The following SIAE variants were observed in gnomAD, a reference collection of about 807,000 sequenced individuals.
SIAE encodes sialate O-acetylesterase.
A neutral mutation model predicts 52.6 loss-of-function variants in SIAE; 39 were observed. The ratio of observed to expected loss-of-function variants is 0.74; its 90% CI spans 0.57 to 0.97. The LOEUF is 0.97. SIAE is among the 50% of genes least tolerant of loss of function. SIAE has a pLI of 0.00. For missense variants in SIAE, 592 were observed against 662.1 expected (o/e 0.89, Z 1.16); for synonymous variants, 233 against 241.4 (o/e 0.97, Z 0.32).
chr11:124,668,118 T>G (rs1418819748), intron 2 of SIAE, among the ~76,000 whole-genome samples: 1 of 152,184 alleles, frequency 6.6e-6, no homozygotes, highest in Admixed American at 6.5e-5. Context: ...CTTTCCAACC[T>G]ATCTCCTGTC....
At chr11:124,654,389 C>A (rs919214406) in intron 4 of SIAE, 1 of 985,256 alleles carries the variant, frequency 1.0e-6, no homozygotes, top group Non-Finnish European at 1.2e-6. Flanking sequence ...GAGATGCTGG[C>A]GGAGCCCATG....
At chr11:124,661,890 A>C (rs1281367223) in intron 2 of SIAE, among the ~76,000 whole-genome samples, 1 of 152,248 alleles carries the variant, frequency 6.6e-6, no homozygotes, top group Non-Finnish European at 1.5e-5. Flanking sequence ...AATTCTAAAA[A>C]TACTATCCAA....
At chr11:124,653,046 A>G (rs1565413147) in intron 4 of SIAE, among the ~76,000 whole-genome samples, 2 of 152,354 alleles carry the variant, frequency 1.3e-5, no homozygotes, top group Non-Finnish European at 1.5e-5. Flanking sequence ...ATGTAGTAAG[A>G]GTTCATAGAG....
Position 124,638,446 on chromosome 11 carries a change from G to A in SIAE, c.1320+96C>T, listed in dbSNP as rs2187154. On this transcript the variant is annotated intron_variant, in intron 9 of 9. Coordinates refer to ENST00000263593, the MANE Select transcript of SIAE (RefSeq NM_170601.5). ...CTCAGCCCCCAACCAACCAAGACCC[G>A]CCACATCGTAATAACAAAAGAGATG... 5.9e-3 allele frequency: 8,032 copies of A among 1,363,382 alleles called. 368 individuals are homozygous for A. In the East Asian group the frequency reaches 0.12, roughly 21 times the overall value. The allele number at this position is 1,363,382 out of a possible 1,614,324, so 84.5% of individuals were successfully genotyped here. A position where few individuals can be genotyped will look rare whatever the true frequency, so the allele number is the denominator to read the frequency against.
chr11:124,653,721 A>G (rs1036703874), intron 4 of SIAE, among the ~76,000 whole-genome samples: 1 of 152,210 alleles, frequency 6.6e-6, no homozygotes, highest in Non-Finnish European at 1.5e-5. Flanking sequence ...AAGGAGAAAG[A>G]TGAAGCATCT....
At chr11:124,640,858 T>G (rs1942833529) in intron 7 of SIAE, among the ~76,000 whole-genome samples, 1 of 152,192 alleles carries the variant, frequency 6.6e-6, no homozygotes, top group Admixed American at 6.5e-5. Flanking sequence ...GCTATCGCCA[T>G]AAGAAGGACG....
intron 8 of SIAE, 51 bp downstream of exon 8, chr11:124,639,659 A>G (rs948172302): frequency 3.1e-6 from 5 of 1,612,296 alleles, no homozygotes; most frequent in Non-Finnish European, 4.2e-6. Flanking sequence ...TCAGAGTGAA[A>G]GACTACAAAG....
At chr11:124,642,304 A>G (rs150709925) in intron 7 of SIAE, among the ~76,000 whole-genome samples, 2,405 of 152,326 alleles carry the variant, frequency 0.016, 29 homozygotes, top group Non-Finnish European at 0.02. Context: ...CAGTCAGCTC[A>G]TGTATTTATT....
At position 124,645,468 on chromosome 11, in the gene SIAE, A is replaced by G. The variant is rs1942918411; in HGVS notation, c.966+1897T>C. ...AGGGATGCGCCACCACACCCGACTAATTTTGTATTTTTAGTAGAGACGGGG... is the reference window on the plus strand; with the variant it reads ...AGGGATGCGCCACCACACCCGACTAGTTTTGTATTTTTAGTAGAGACGGGG... On this transcript the variant is annotated intron_variant, in intron 7 of 9. Coordinates refer to ENST00000263593, the MANE Select transcript of SIAE (RefSeq NM_170601.5). The surrounding 1 kb of genome is among the most constrained non-coding windows in gnomAD (Gnocchi z 4.7). Among the ~76,000 whole-genome samples the G allele has an allele frequency of 6.6e-6, 1 of 151,840 alleles. No individual in the cohort carries two copies. Among genetic ancestry groups the G allele is most frequent in the Non-Finnish European group, 1.5e-5 (1 of 67,954 alleles).
Position 124,636,874 on chromosome 11 carries a change from G to GGTT in SIAE, c.*74_*76dup. 6.3e-7 allele frequency: 1 copy of GGTT among 1,592,546 alleles called. No homozygotes were observed. The highest frequency in any genetic ancestry group is 2.2e-5 in the East Asian group (1 of 44,760). ...TCTATTAATTTCCTTTAAAAGCAAT[G>GGTT]GTTATTATTGAAACTCCTAAATGCT... is the stretch of plus-strand genomic sequence containing the variant. On this transcript the variant is annotated 3_prime_UTR_variant, in exon 10 of 10. Transcript: ENST00000263593.
intron 3 of SIAE, chr11:124,660,065 G>A: frequency 6.0e-6 from 1 of 166,430 alleles, no homozygotes; most frequent in Non-Finnish European, 1.3e-5. Flanking sequence ...CAAGGCGGGT[G>A]CATCATCTGA....
intron 2 of SIAE, among the ~76,000 whole-genome samples, chr11:124,665,260 A>T (rs990879362): frequency 6.6e-6 from 1 of 152,240 alleles, no homozygotes; most frequent in Non-Finnish European, 1.5e-5. Flanking sequence ...TTATATGGAA[A>T]AGATGGGATT....
In SIAE at chr11:124,635,685, A is replaced by AGTT. The variant is rs1555094399; in HGVS notation, c.*1263_*1265dup. On this transcript the variant is annotated 3_prime_UTR_variant, in exon 10 of 10. Coordinates refer to ENST00000263593, the MANE Select transcript of SIAE (RefSeq NM_170601.5). ...TACAGTGAGTGATGCTTTTTGCTTTAGTTCTCATTTTTCACATTAAGGGGA... is the reference window on the plus strand; with the variant it reads ...TACAGTGAGTGATGCTTTTTGCTTTAGTTGTTCTCATTTTTCACATTAAGGGGA... 1 of 152,134 alleles carries AGTT rather than the reference A, an allele frequency of 6.6e-6. No individual in the cohort carries two copies. The highest frequency in any genetic ancestry group is 1.5e-5 in the Non-Finnish European group (1 of 68,012). The allele number at this position is 152,134 out of a possible 1,614,324, so 9.4% of individuals were successfully genotyped here.
Position 124,660,818 on chromosome 11 carries a change from G to A in SIAE, c.230-15C>T. On this transcript the variant is annotated splice_polypyrimidine_tract_variant and intron_variant, in intron 2 of 9. Transcript: ENST00000263593. ...ATCAGAGTGAGCTGAAATAGTAACA[G>A]GACTCCAAGGAATTAATCAATCAAT... 1 of 1,613,670 alleles carries A rather than the reference G, an allele frequency of 6.2e-7. No homozygotes were observed. The highest frequency in any genetic ancestry group is 1.1e-5 in the South Asian group (1 of 91,058).
intron 8 of SIAE, 146 bp from the exon 9 acceptor site, chr11:124,638,883 G>A (rs534179843): frequency 1.5e-6 from 1 of 676,434 alleles, no homozygotes; most frequent in East Asian, 2.7e-5. Context: ...GTCAGCTCAA[G>A]GGAAATGGTG....
chr11:124,657,813 G>A (rs764471683), intron 3 of SIAE, among the ~76,000 whole-genome samples: 13 of 152,158 alleles, frequency 8.5e-5, no homozygotes, highest in Non-Finnish European at 1.9e-4. Flanking sequence ...CCTTTTTGAT[G>A]AAAGCATTTC....
chr11:124,651,712 C>T (rs907867228), intron 4 of SIAE, among the ~76,000 whole-genome samples: 1 of 152,198 alleles, frequency 6.6e-6, no homozygotes, highest in African/African-American at 2.4e-5. Flanking sequence ...CGCCCCGCAC[C>T]GTGCTTCCAC....
chr11:124,669,262 G>T (rs966951983), intron 2 of SIAE, 98 bp downstream of exon 2: 2 of 1,433,278 alleles, frequency 1.4e-6, no homozygotes, highest in Non-Finnish European at 9.8e-7. Context: ...ATGTAGGGAC[G>T]GATGGATAAT....
rs1591378765 is a variant in SIAE, at chr11:124,633,721, G to A, written c.*3230C>T. On this transcript the variant is annotated 3_prime_UTR_variant, in exon 10 of 10. Transcript: ENST00000263593. ...CAAACTTTGTATAATAGCAAATCGG[G>A]AAGGGGACTGCTTAAAATGTTAATG... is the stretch of plus-strand genomic sequence containing the variant. 6.6e-6 allele frequency: 1 copy of A among 152,028 alleles called. No individual in the cohort carries two copies. Among genetic ancestry groups the A allele is most frequent in the Middle Eastern group, 3.4e-3 (1 of 294 alleles). 9.4% of individuals were successfully genotyped at this position (152,028 alleles called of 1,614,324 possible).
Sources: gnomAD v4.1 joint callset for allele counts (sites outside exome capture counted in the v4.1 genomes callset) on GRCh38, gnomAD v4.1.1 for gene constraint, Gnocchi (gnomAD v3.1) non-coding constraint, MANE v1.5 for transcripts, NCBI Gene and HGNC (gene_info 2026-07-23, HGNC 2026-07-21) for gene names.